The following SMOC2 variants were observed in gnomAD, a reference collection of about 807,000 sequenced individuals.
SMOC2 encodes SPARC-related modular calcium-binding protein 2.
Under a neutral mutation model 61.4 loss-of-function variants are expected in SMOC2, and 39 were observed. The observed-to-expected ratio is 0.64, with a 90% confidence interval of 0.49 to 0.83. The LOEUF is 0.83. SMOC2 is among the 40% of genes least tolerant of loss of function. The pLI is 0.00. For synonymous variants in SMOC2, 247 were observed against 239.9 expected, an observed-to-expected ratio of 1.03 and a Z score of -0.27; for missense variants, 556 against 592.9, an observed-to-expected ratio of 0.94 and a Z score of 0.65.
At position 168,515,583 on chromosome 6, in the gene SMOC2, C is replaced by A. The variant is rs576433415; in HGVS notation, c.256+5497C>A. On this transcript the variant is annotated intron_variant, in intron 2 of 12. Transcript: ENST00000356284. Reference sequence around the variant, plus strand: ...GCAGCCTCGCACCTGCATCCTGGCTCGTGGCGGAAGACGGGCCTTGCCCTG... The same window carrying A: ...GCAGCCTCGCACCTGCATCCTGGCTAGTGGCGGAAGACGGGCCTTGCCCTG... Among the ~76,000 whole-genome samples, 5 of 152,414 alleles carry A rather than the reference C, an allele frequency of 3.3e-5. No homozygotes were observed. The East Asian group carries it at 9.6e-4, about 29-fold the overall frequency.
chr6:168,664,745 G>T (rs925951791), intron 12 of SMOC2: 2 of 471,020 alleles, frequency 4.2e-6, no homozygotes, highest in Non-Finnish European at 8.8e-6. Flanking sequence ...GGATGCAATG[G>T]TGGTGTCCTC....
At chr6:168,624,613 C>T (rs1344324937) in intron 9 of SMOC2, among the ~76,000 whole-genome samples, 1 of 107,578 alleles carries the variant, frequency 9.3e-6, no homozygotes, top group Non-Finnish European at 2.0e-5. Context: ...CACAGACACA[C>T]AGAGACACAG....
At chr6:168,603,395 A>G (rs573302502) in intron 8 of SMOC2, among the ~76,000 whole-genome samples, 43 of 152,106 alleles carry the variant, frequency 2.8e-4, no homozygotes, top group African/African-American at 9.9e-4. Flanking sequence ...TCCACTCACA[A>G]TGGGGTTGGA....
intron 9 of SMOC2, among the ~76,000 whole-genome samples, chr6:168,642,600 C>T (rs1277884777): frequency 1.3e-5 from 2 of 152,140 alleles, no homozygotes; most frequent in Non-Finnish European, 1.5e-5. Flanking sequence ...CCAAAAGAGG[C>T]GCTTGATGTT....
At chr6:168,566,479 CTTTTTTTTTTT>C (rs10553952) in intron 7 of SMOC2, among the ~76,000 whole-genome samples, 2 of 118,242 alleles carry the variant, frequency 1.7e-5, no homozygotes, top group Non-Finnish European at 3.5e-5. Context: ...TGTAGCACTT[CTTTTTTTTTTT>C]TTTTTTTTTT....
intron 1 of SMOC2, among the ~76,000 whole-genome samples, chr6:168,490,446 G>A (rs958596345): frequency 3.9e-5 from 6 of 152,094 alleles, no homozygotes; most frequent in African/African-American, 1.2e-4. Flanking sequence ...CTCCAGAGGG[G>A]ACCTTTCACT....
chr6:168,645,135 AG>A lies in SMOC2; in HGVS notation c.908-5545del, dbSNP rs763996066. On this transcript the variant is annotated intron_variant, in intron 9 of 12. Transcript: ENST00000356284. The stretch of plus-strand genomic sequence containing the variant: ...ACAAAACTGGATTTAATCGCAAAGG[AG>A]AAATTCTCAGCGCCTTTCTTACAGA... Among the ~76,000 whole-genome samples the A allele has an allele frequency of 2.6e-5, 4 of 152,366 alleles. No homozygotes were observed. The East Asian group carries it at 7.7e-4, about 29-fold the overall frequency.
chr6:168,651,975 A>C (rs1787205586), intron 10 of SMOC2, among the ~76,000 whole-genome samples: 1 of 151,534 alleles, frequency 6.6e-6, no homozygotes, highest in South Asian at 2.1e-4. Flanking sequence ...TGGGAGGCGG[A>C]GATTGCAGTG....
chr6:168,603,104 G>C (rs2880407), intron 8 of SMOC2, among the ~76,000 whole-genome samples: 2 of 151,674 alleles, frequency 1.3e-5, no homozygotes, highest in African/African-American at 4.8e-5. Flanking sequence ...GGTTTTATAC[G>C]TGTCTGACAT....
At chr6:168,623,011 C>G (rs1786284096) in intron 9 of SMOC2, among the ~76,000 whole-genome samples, 2 of 152,212 alleles carry the variant, frequency 1.3e-5, no homozygotes, top group Non-Finnish European at 2.9e-5. Context: ...TTTCTGGAAG[C>G]CCCTCTGGGT....
intron 11 of SMOC2, among the ~76,000 whole-genome samples, chr6:168,658,378 G>A (rs1252207066): frequency 1.3e-5 from 2 of 152,188 alleles, no homozygotes; most frequent in African/African-American, 4.8e-5. Flanking sequence ...AATTAAGGAT[G>A]GGTAGAGCCA....
chr6:168,571,066 G>A (rs1583120382), intron 7 of SMOC2, among the ~76,000 whole-genome samples: 1 of 152,140 alleles, frequency 6.6e-6, no homozygotes, highest in African/African-American at 2.4e-5. Flanking sequence ...GTGGCGCATG[G>A]CCTGACCTTC....
intron 7 of SMOC2, among the ~76,000 whole-genome samples, chr6:168,577,489 G>A (rs550420812): frequency 2.6e-4 from 40 of 152,256 alleles, no homozygotes; most frequent in African/African-American, 8.7e-4. Context: ...TGTTGCATCC[G>A]GTGATCAGGC....
At chr6:168,586,338 C>G (rs1343972158) in intron 7 of SMOC2, among the ~76,000 whole-genome samples, 2 of 152,028 alleles carry the variant, frequency 1.3e-5, no homozygotes, top group African/African-American at 4.8e-5. Context: ...TATTCTTTTC[C>G]AGTCATCTAC....
chr6:168,613,329 T>G (rs908456081), intron 9 of SMOC2, among the ~76,000 whole-genome samples: 6 of 152,114 alleles, frequency 3.9e-5, no homozygotes, highest in African/African-American at 1.4e-4. Context: ...TGTCCTGATG[T>G]TGGTGGTTCA....
intron 4 of SMOC2, among the ~76,000 whole-genome samples, chr6:168,540,893 C>T (rs761341351): frequency 5.4e-4 from 83 of 152,302 alleles, no homozygotes; most frequent in Non-Finnish European, 1.0e-3. Context: ...CCCCTCACCC[C>T]TCTCACGTCT....
intron 7 of SMOC2, among the ~76,000 whole-genome samples, chr6:168,578,430 C>T (rs560107437): frequency 2.3e-4 from 35 of 152,264 alleles, no homozygotes; most frequent in South Asian, 1.0e-3. Context: ...AGGTAGGAGA[C>T]GGGGGCAGAC....
intron 12 of SMOC2, chr6:168,665,205 A>G (rs1787631424): frequency 6.2e-6 from 1 of 161,172 alleles, no homozygotes; most frequent in Non-Finnish European, 1.3e-5. Flanking sequence ...ACGCATCTTA[A>G]ATAAACTCAG....
chr6:168,494,028 G>C (rs888411745), intron 1 of SMOC2, among the ~76,000 whole-genome samples: 1 of 152,168 alleles, frequency 6.6e-6, no homozygotes, highest in Non-Finnish European at 1.5e-5. Flanking sequence ...CGATGCCATT[G>C]GAACGATCCT....
Sources: allele counts gnomAD v4.1 joint callset (sites outside exome capture counted in the v4.1 genomes callset), GRCh38; gene constraint gnomAD v4.1.1; transcripts MANE v1.5; gene names NCBI Gene and HGNC (gene_info 2026-07-23, HGNC 2026-07-21).